Variants in MEGF11 observed in about 807,000 individuals in gnomAD.
MEGF11 encodes multiple EGF like domains 11.
Under a neutral mutation model 146.6 loss-of-function variants are expected in MEGF11, and 126 were observed. The ratio of observed to expected loss-of-function variants is 0.86; its 90% confidence interval spans 0.74 to 1.00. The LOEUF (loss-of-function observed/expected upper bound fraction) is 1.00. Among genes scored for constraint, MEGF11 ranks in the 50% least tolerant of loss-of-function variants. MEGF11 has a pLI of 0.00. For synonymous variants in MEGF11, 532 were observed against 583.4 expected, an observed-to-expected ratio of 0.91 and a Z score of 1.27; for missense variants, 1,509 against 1,521.2, an observed-to-expected ratio of 0.99 and a Z score of 0.13.
chr15:65,910,749 G>A (rs1343275662), intron 21 of MEGF11, among the ~76,000 whole-genome samples: 1 of 152,152 alleles, frequency 6.6e-6, no homozygotes, highest in Non-Finnish European at 1.5e-5. Flanking sequence ...CATTCTCCAT[G>A]GGACAGACAG....
intron 4 of MEGF11, among the ~76,000 whole-genome samples, chr15:66,103,152 C>T (rs1010933967): frequency 3.3e-5 from 5 of 152,188 alleles, no homozygotes; most frequent in African/African-American, 9.7e-5. Context: ...ATGAGGTGAC[C>T]GCACACAGTG....
At chr15:66,142,247 T>C (rs2089196330) in intron 1 of MEGF11, among the ~76,000 whole-genome samples, 1 of 152,214 alleles carries the variant, frequency 6.6e-6, no homozygotes, top group African/African-American at 2.4e-5. Flanking sequence ...GCTTTGCTCA[T>C]GGAGCCCCCG....
At chr15:66,103,725 C>G (rs898340849) in intron 4 of MEGF11, among the ~76,000 whole-genome samples, 14 of 152,148 alleles carry the variant, frequency 9.2e-5, no homozygotes, top group African/African-American at 3.1e-4. Flanking sequence ...GCTGCTACTC[C>G]TATTTTGTAG....
At chr15:66,009,739 C>T (rs1193300386) in intron 5 of MEGF11, among the ~76,000 whole-genome samples, 1 of 151,856 alleles carries the variant, frequency 6.6e-6, no homozygotes, top group East Asian at 1.9e-4. Flanking sequence ...ACTACAGACA[C>T]ATGCCAACGT....
chr15:66,147,252 C>A (rs995993201), intron 1 of MEGF11, among the ~76,000 whole-genome samples: 17 of 152,166 alleles, frequency 1.1e-4, no homozygotes, highest in Non-Finnish European at 2.2e-4. Context: ...GACTCATGAC[C>A]CCTCCCCAAA....
intron 5 of MEGF11, among the ~76,000 whole-genome samples, chr15:66,052,287 G>A (rs902781520): frequency 6.6e-6 from 1 of 152,198 alleles, no homozygotes; most frequent in African/African-American, 2.4e-5. Flanking sequence ...ACAGCAGGAT[G>A]GATGGTAAAT....
intron 1 of MEGF11, among the ~76,000 whole-genome samples, chr15:66,217,259 A>T (rs983257615): frequency 2.6e-5 from 4 of 152,210 alleles, no homozygotes; most frequent in African/African-American, 9.6e-5. Context: ...ACAGATAAGG[A>T]GCCTGAGGCC....
chr15:66,198,377 G>T (rs2091061486), intron 1 of MEGF11, among the ~76,000 whole-genome samples: 3 of 152,198 alleles, frequency 2.0e-5, no homozygotes, highest in African/African-American at 7.2e-5. Context: ...AACCTCTTCA[G>T]TTTCCCCCAT....
At chr15:65,978,481 A>G (rs2081524217) in intron 7 of MEGF11, among the ~76,000 whole-genome samples, 1 of 152,238 alleles carries the variant, frequency 6.6e-6, no homozygotes, top group South Asian at 2.1e-4. Flanking sequence ...ATCTGGAAAA[A>G]CAAACCTCTT....
chr15:65,957,823 T>C (rs758037848), intron 9 of MEGF11, 102 bp from the exon 10 acceptor site: 5 of 1,062,206 alleles, frequency 4.7e-6, no homozygotes, highest in Non-Finnish European at 6.9e-6. Context: ...GGTAGCAGGA[T>C]CAAAGGACCT....
chr15:66,209,321 G>A (rs1217934799), intron 1 of MEGF11, among the ~76,000 whole-genome samples: 2 of 151,844 alleles, frequency 1.3e-5, no homozygotes, highest in Non-Finnish European at 2.9e-5. Flanking sequence ...CTGCACTCCA[G>A]CCTGGGCGAC....
intron 5 of MEGF11, among the ~76,000 whole-genome samples, chr15:66,074,937 G>A (rs1029947360): frequency 9.9e-5 from 15 of 152,108 alleles, no homozygotes; most frequent in Non-Finnish European, 1.9e-4. Context: ...CTTATTACCC[G>A]TCAAAATATG....
At chr15:65,924,446 G>C (rs867082433) in intron 13 of MEGF11, among the ~76,000 whole-genome samples, 1 of 151,556 alleles carries the variant, frequency 6.6e-6, no homozygotes, top group South Asian at 2.1e-4. Flanking sequence ...TTTACCCATT[G>C]ACAGGGGTCT....
chr15:66,249,135 A>C (rs577443380), intron 1 of MEGF11, among the ~76,000 whole-genome samples: 1 of 152,352 alleles, frequency 6.6e-6, no homozygotes, highest in East Asian at 1.9e-4. Context: ...ACAGAGTTTC[A>C]AAACATTTTG....
intron 1 of MEGF11, among the ~76,000 whole-genome samples, chr15:66,149,838 A>G (rs1252807601): frequency 6.6e-6 from 1 of 152,210 alleles, no homozygotes; most frequent in East Asian, 1.9e-4. Flanking sequence ...TTCACCTGAG[A>G]CACTCCTGAT....
chr15:66,074,475 T>C (rs1374529087), intron 5 of MEGF11, among the ~76,000 whole-genome samples: 1 of 152,230 alleles, frequency 6.6e-6, no homozygotes, highest in Non-Finnish European at 1.5e-5. Context: ...TTGCGCCTGT[T>C]GGAGAGGCTC....
At chr15:66,052,997 C>T (rs908499180) in intron 5 of MEGF11, among the ~76,000 whole-genome samples, 28 of 151,906 alleles carry the variant, frequency 1.8e-4, no homozygotes, top group African/African-American at 6.3e-4. Flanking sequence ...TGGTAAATGC[C>T]AAATGGATGG....
intron 1 of MEGF11, among the ~76,000 whole-genome samples, chr15:66,214,870 AAAG>A (rs2091547641): frequency 6.6e-6 from 1 of 152,054 alleles, no homozygotes; most frequent in Non-Finnish European, 1.5e-5. Flanking sequence ...GTGTGTGTGG[AAAG>A]AAGATGGGGG....
intron 5 of MEGF11, among the ~76,000 whole-genome samples, chr15:66,086,104 A>T (rs1044776625): frequency 6.6e-6 from 1 of 152,146 alleles, no homozygotes; most frequent in Non-Finnish European, 1.5e-5. Flanking sequence ...ACCCAATCCA[A>T]CAAAGACAAA....
Sources: allele counts gnomAD v4.1 joint callset (sites outside exome capture counted in the v4.1 genomes callset), GRCh38; gene constraint gnomAD v4.1.1; transcripts MANE v1.5; gene names NCBI Gene and HGNC (gene_info 2026-07-23, HGNC 2026-07-21).